ZZEF1: variants seen among roughly 807,000 people sequenced by gnomAD.
ZZEF1 encodes the protein zinc finger ZZ-type and EF-hand domain-containing protein 1.
In ZZEF1, 157 loss-of-function variants were observed where a neutral mutation model predicts 342.8. That is an observed-to-expected ratio of 0.46 (90% CI 0.40 to 0.52). The LOEUF (loss-of-function observed/expected upper bound fraction) is 0.52. ZZEF1 is among the 20% of genes least tolerant of loss of function. The pLI, the probability that ZZEF1 is intolerant of heterozygous loss-of-function variation, is 0.00. For missense variants in ZZEF1, 3,480 were observed against 3,725.6 expected (o/e 0.93, Z 1.72); for synonymous variants, 1,505 against 1,429.1 (o/e 1.05, Z -1.20).
At position 4,106,480 on chromosome 17, in the gene ZZEF1, G is replaced by GAA. The variant is rs71144161; in HGVS notation, c.1278-673_1278-672dup. ...TTATAATTTGTTCAGCAGCAACAGG[G>GAA]AAAAAAAAAAAACAAAAGAAAATTT... On this transcript the variant is annotated intron_variant, in intron 6 of 54. Transcript: ENST00000381638. 9.5e-3 allele frequency among the ~76,000 whole-genome samples: 1,369 copies of GAA among 144,242 alleles called. 11 individuals are homozygous for GAA. The highest frequency in any genetic ancestry group is 0.015 in the Non-Finnish European group (980 of 66,280). 94.6% of individuals were successfully genotyped at this position (144,242 alleles called of 152,430 possible).
chr17:4,022,558 C>T, intron 44 of ZZEF1, 151 bp downstream of exon 44: 1 of 1,046,174 alleles, frequency 9.6e-7, no homozygotes. Flanking sequence ...TCCCTATTTC[C>T]AACAGGGAAT....
rs2144943583 is a variant in ZZEF1, at chr17:4,014,611, T to C, written c.8146-96A>G. ...CGAGTCCTGTGGCTGGACCCGGGTG[T>C]GTGAGAATGAGTGAACCACAGCCCT... On this transcript the variant is annotated intron_variant, in intron 49 of 54. Transcript: ENST00000381638. The surrounding 1 kb of genome is among the most constrained non-coding windows in gnomAD (Gnocchi z 4.4). 1 of 1,332,004 alleles carries C rather than the reference T, an allele frequency of 7.5e-7. No homozygotes were observed. Among genetic ancestry groups the C allele is most frequent in the Non-Finnish European group, 1.1e-6 (1 of 942,616 alleles). The allele number at this position is 1,332,004 out of a possible 1,614,324, so 82.5% of individuals were successfully genotyped here.
intron 31 of ZZEF1, among the ~76,000 whole-genome samples, chr17:4,058,599 G>A (rs749060952): frequency 6.6e-6 from 1 of 152,300 alleles, no homozygotes. Context: ...TACTGGCTGG[G>A]CGTGGTGGCT....
rs1242097013 is a variant in ZZEF1 at position 4,052,954 on chromosome 17, TCCTTCTCACTCTAAGGCCCTTGGGC to T, written c.5435-843_5435-819del. Among the ~76,000 whole-genome samples, 4 of 152,272 alleles carry T rather than the reference TCCTTCTCACTCTAAGGCCCTTGGGC, an allele frequency of 2.6e-5. No individual in the cohort carries two copies. The South Asian group carries it at 8.3e-4, about 32-fold the overall frequency. ...AGGAAAGAGATGGGCTGCACTGGTCTCCTTCTCACTCTAAGGCCCTTGGGCCCTTCTCACTCTAAGCTCTGTCATG... is the reference window on the plus strand; with the variant it reads ...AGGAAAGAGATGGGCTGCACTGGTCTCCTTCTCACTCTAAGCTCTGTCATG... On this transcript the variant is annotated intron_variant, in intron 34 of 54. Transcript: ENST00000381638.
intron 42 of ZZEF1, among the ~76,000 whole-genome samples, chr17:4,028,251 C>T (rs2056460859): frequency 6.6e-6 from 1 of 151,876 alleles, no homozygotes; most frequent in African/African-American, 2.4e-5. Context: ...TTTTTTGCTT[C>T]AAAAAGTGAG....
intron 39 of ZZEF1, among the ~76,000 whole-genome samples, chr17:4,038,135 A>C (rs182096022): frequency 6.6e-6 from 1 of 152,260 alleles, no homozygotes; most frequent in Non-Finnish European, 1.5e-5. Flanking sequence ...TAACTTTTAC[A>C]TAAGTTTGTA....
Position 4,142,726 on chromosome 17 carries a change from C to A in ZZEF1, c.170G>T (p.Arg57Leu). ...GGGCAGCAACGCTGCAGCAGCCTCT[C>A]GCAGCCTGGCCGGCTCCAGCAGCGC... ...AAALLEPARL[R>L]EAAAALLPTP... is the part of the protein sequence containing the mutation. The change falls in exon 1 of 55, where the codon CGA (arginine) becomes CTA (leucine). Residue 57 changes from arginine (R) to leucine (L), a missense_variant. Arg to Leu is a moderately radical substitution (Grantham distance 102, BLOSUM62 -2). Coordinates refer to ENST00000381638, the MANE Select transcript of ZZEF1 (RefSeq NM_015113.4). 1 of 1,555,800 alleles carries A rather than the reference C, an allele frequency of 6.4e-7. No individual in the cohort carries two copies.
rs761584943 is a variant in ZZEF1, at chr17:4,064,403, T to C, written c.4676A>G (p.Asp1559Gly). The change falls in exon 29 of 55, where the codon GAC (aspartate) becomes GGC (glycine). Residue 1559 changes from aspartate to glycine, a missense_variant. Asp to Gly is a moderately conservative substitution (Grantham distance 94). Transcript: ENST00000381638. ...TVKEKYPVLK[D>G]VMDFIKDQSL... The stretch of plus-strand genomic sequence containing the variant: ...CTGATCCTTAATGAAGTCCATGACG[T>C]CCTTCAGCACAGGGTATTTCTCTTT... The C allele has an allele frequency of 6.2e-7, 1 of 1,607,704 alleles. No individual in the cohort carries two copies. Among genetic ancestry groups the C allele is most frequent in the East Asian group, 2.2e-5 (1 of 44,656 alleles).
Position 4,116,999 on chromosome 17 carries a change from G to A in ZZEF1, c.667C>T (p.Leu223=), listed in dbSNP as rs764339141. ...TMRSSVLKES[L]DQLVQKEKES... is the part of the protein sequence containing the mutation. ...TTTTCCTTTTGTACCAGCTGATCCA[G>A]AGACTCCTTCAGGACGGAAGACCGC... The change falls in exon 3 of 55, where the codon CTG becomes TTG. Residue 223 remains leucine (L), a synonymous_variant. Transcript: ENST00000381638. 33 of 1,611,630 alleles carry A rather than the reference G, an allele frequency of 2.0e-5. No individual in the cohort carries two copies. Among genetic ancestry groups the A allele is most frequent in the Non-Finnish European group, 2.6e-5 (31 of 1,178,424 alleles).
intron 26 of ZZEF1, among the ~76,000 whole-genome samples, chr17:4,067,639 T>A (rs1446608481): frequency 6.6e-6 from 1 of 152,192 alleles, no homozygotes; most frequent in Non-Finnish European, 1.5e-5. Flanking sequence ...AATAAAATGA[T>A]CTTATTTAAA....
intron 3 of ZZEF1, 49 bp downstream of exon 3, chr17:4,116,923 T>A: frequency 6.7e-7 from 1 of 1,492,060 alleles, no homozygotes; most frequent in Non-Finnish European, 9.0e-7. Context: ...ACACAACAGT[T>A]AGAAGAAATG....
In ZZEF1 at chr17:4,117,104, G is replaced by A. The variant is rs895399766; in HGVS notation, c.562C>T (p.Arg188Cys). ...GLDIHSSMIL[R>C]FLHRNRLSSA... is the part of the protein sequence containing the mutation. ...GAGAGCCGATTGCGGTGCAGGAAGC[G>A]CAGTATCATTGACGAGTGAATATCA... The change falls in exon 3 of 55, where the codon CGC becomes TGC. Residue 188 changes from arginine (R) to cysteine (C), a missense_variant. By Grantham distance (180) the Arg-to-Cys change is radical (BLOSUM62 -3). Coordinates refer to ENST00000381638, the MANE Select transcript of ZZEF1 (RefSeq NM_015113.4). The A allele has an allele frequency of 6.8e-6, 11 of 1,613,980 alleles. No individual in the cohort carries two copies. Among genetic ancestry groups the A allele is most frequent in the East Asian group, 4.5e-5 (2 of 44,888 alleles).
intron 21 of ZZEF1, chr17:4,076,111 T>C (rs1009672357): frequency 6.6e-6 from 1 of 151,628 alleles, no homozygotes; most frequent in Admixed American, 6.6e-5. Context: ...GAGATTCATC[T>C]CTACAGCTTT....
intron 45 of ZZEF1, 35 bp downstream of exon 45, chr17:4,021,094 C>A (rs1323745071): frequency 1.3e-6 from 2 of 1,550,016 alleles, no homozygotes; most frequent in African/African-American, 1.4e-5. Context: ...CCCTCAGAAG[C>A]CCCTCCTAAG....
At chr17:4,113,097 A>G (rs1292140789) in intron 4 of ZZEF1, among the ~76,000 whole-genome samples, 1 of 152,250 alleles carries the variant, frequency 6.6e-6, no homozygotes, top group African/African-American at 2.4e-5. Flanking sequence ...TTACCTGGCA[A>G]AAAAGCTAAT....
chr17:4,033,386 C>T (rs711175), intron 40 of ZZEF1: 10,525 of 169,078 alleles, frequency 0.062, 1,169 homozygotes, highest in African/African-American at 0.24. Flanking sequence ...CTTGCTCTGT[C>T]GTCCAGGCTG....
intron 31 of ZZEF1, 73 bp from the exon 32 acceptor site, chr17:4,058,228 G>A (rs1404151030): frequency 6.8e-7 from 1 of 1,477,552 alleles, no homozygotes; most frequent in Non-Finnish European, 9.0e-7. Flanking sequence ...AATTCAAGTA[G>A]GTGACCTGGT....
chr17:4,071,206 C>A, intron 25 of ZZEF1: 2 of 340,486 alleles, frequency 5.9e-6, no homozygotes, highest in South Asian at 4.9e-5. Flanking sequence ...GGAGAGAGAT[C>A]CTGGTAGGTT....
chr17:4,045,816 GT>G, intron 37 of ZZEF1, among the ~76,000 whole-genome samples: 1 of 143,766 alleles, frequency 7.0e-6, no homozygotes, highest in East Asian at 2.0e-4. Context: ...CCTAGATGCT[GT>G]TTTTTTGTTC....
Sources: gnomAD v4.1 joint callset for allele counts (sites outside exome capture counted in the v4.1 genomes callset) on GRCh38, gnomAD v4.1.1 for gene constraint, Gnocchi (gnomAD v3.1) non-coding constraint, MANE v1.5 for transcripts, NCBI Gene and HGNC (gene_info 2026-07-23, HGNC 2026-07-21) for gene names.